Variants in OOEP observed in about 807,000 individuals in gnomAD.
OOEP encodes oocyte-expressed protein homolog.
Under a neutral mutation model 13.7 loss-of-function variants are expected in OOEP, and 16 were observed. That is an observed-to-expected ratio of 1.16 (90% CI 0.79 to 1.77). The LOEUF (loss-of-function observed/expected upper bound fraction) is 1.77. Ranked by LOEUF, OOEP falls within the 40% of genes most tolerant of loss-of-function variation. The pLI is 0.00. For missense variants in OOEP, 195 were observed against 193.1 expected (o/e 1.01, Z -0.06); for synonymous variants, 89 against 77.1 (o/e 1.15, Z -0.81).
At chr6:73,373,016 T>C, upstream of OOEP, 2 of 1,049,158 alleles carry the variant, frequency 1.9e-6, no homozygotes, top group South Asian at 1.3e-5. Flanking sequence ...CGTCGAAATC[T>C]CCAGATAGTG....
intron 2 of OOEP, among the ~76,000 whole-genome samples, chr6:73,383,402 G>A (rs571801015): frequency 3.3e-4 from 51 of 152,288 alleles, no homozygotes; most frequent in African/African-American, 1.1e-3. Context: ...TTGGTAGGCC[G>A]AGGTGGGTGG....
At chr6:73,392,246 C>T (rs1769356681) in intron 2 of OOEP, among the ~76,000 whole-genome samples, 1 of 152,160 alleles carries the variant, frequency 6.6e-6, no homozygotes, top group South Asian at 2.1e-4. Flanking sequence ...GTTAATACTA[C>T]CCATTTCAGA....
chr6:73,371,039 C>G (rs1243241536), upstream of OOEP, among the ~76,000 whole-genome samples: 2 of 152,118 alleles, frequency 1.3e-5, no homozygotes, highest in African/African-American at 4.8e-5. Flanking sequence ...CTCCTAGGCT[C>G]AAGCAGTCCT....
chr6:73,394,841 G>A, exon 1 of OOEP: 1 of 1,578,312 alleles, frequency 6.3e-7, no homozygotes, highest in Non-Finnish European at 8.6e-7. Flanking sequence ...CTACTCTTAC[G>A]ACGTCACGGT....
chr6:73,380,227 A>G (rs1185001508), intron 2 of OOEP, among the ~76,000 whole-genome samples: 1 of 151,378 alleles, frequency 6.6e-6, no homozygotes, highest in East Asian at 1.9e-4. Flanking sequence ...GACAGTGGTG[A>G]TACAAGTTTT....
chr6:73,381,205 TAAAAAAAAAAAA>T (rs66507015), intron 2 of OOEP, among the ~76,000 whole-genome samples: 19,138 of 101,196 alleles, frequency 0.19, 1,708 homozygotes, highest in Middle Eastern at 0.24. Context: ...AAAAAAGTGT[TAAAAAAAAAAAA>T]AAAAAAAAAA....
At position 73,369,764 on chromosome 6, in the gene OOEP, G is replaced by A. The variant is rs1285339265; in HGVS notation, c.29C>T (p.Ser10Phe). MVDDAGAAE[S>F]QRGKQTPAHS... ...GGCCGGAGTCTGTTTGCCCCGCTGG[G>A]ACTCAGCGGCACCAGCATCATCGAC... Residue 10 changes from serine (S) to phenylalanine (F), a missense_variant, in exon 1 of 3, where the codon TCC (serine) becomes TTC (phenylalanine). Coordinates refer to ENST00000370359, the MANE Select transcript of OOEP (RefSeq NM_001080507.3). The A allele has an allele frequency of 1.9e-6, 3 of 1,613,822 alleles. No homozygotes were observed. Among genetic ancestry groups the A allele is most frequent in the Admixed American group, 1.7e-5 (1 of 60,026 alleles).
At position 73,394,878 on chromosome 6, in the gene OOEP, G is replaced by A. The variant is rs1291360235; in HGVS notation, c.-278C>T. The A allele has an allele frequency of 1.9e-6, 3 of 1,610,852 alleles. No individual in the cohort carries two copies. In the Admixed American group the frequency reaches 5.0e-5, roughly 27 times the overall value. On this transcript the variant is annotated 5_prime_UTR_variant, in exon 1 of 4. Transcript: ENST00000370363. ...AGGTGGTGCAGAGCTGGACGGCAAC[G>A]ACGTCGGACGCGCCCCTTCTTGGAA...
rs1395452682 is a variant in OOEP at position 73,385,607 on chromosome 6, T to C, written c.25+8739A>G. ...AAATAAAAGCTCTCTTTTTTTTTTT[T>C]TTCGGAGTCTCACTCTATTGACTAG... On this transcript the variant is annotated intron_variant, in intron 2 of 3. Coordinates refer to the OOEP transcript ENST00000370363. Among the ~76,000 whole-genome samples the C allele has an allele frequency of 2.0e-5, 3 of 151,988 alleles. No homozygotes were observed. In the East Asian group the frequency reaches 5.8e-4, roughly 30 times the overall value.
chr6:73,385,181 C>T (rs1224896893), intron 2 of OOEP, among the ~76,000 whole-genome samples: 1 of 151,608 alleles, frequency 6.6e-6, no homozygotes, highest in African/African-American at 2.4e-5. Context: ...CCCGTCTCTA[C>T]TAAAAATACA....
chr6:73,385,163 G>A (rs988283621), intron 2 of OOEP, among the ~76,000 whole-genome samples: 10 of 151,890 alleles, frequency 6.6e-5, no homozygotes, highest in East Asian at 2.0e-4. Context: ...TGGCTAACAT[G>A]GTGAAACCCC....
rs1769014804 is a variant in OOEP, at chr6:73,369,710, G to A, written c.83C>T (p.Pro28Leu). The A allele has an allele frequency of 1.2e-6, 2 of 1,614,010 alleles. No homozygotes were observed. The highest frequency in any genetic ancestry group is 1.7e-6 in the Non-Finnish European group (2 of 1,179,874). The change falls in exon 1 of 3, where the codon CCA (proline) becomes CTA (leucine). Residue 28 changes from proline (P) to leucine (L), a missense_variant. Transcript: ENST00000370359. ...GATGCGAATCTGTGGCGGCGGAAGT[G>A]GTAACCTACGCAGCTGCTCCAGGGA... ...AHSLEQLRRLPLPPPQIRIRP... is the reference protein window; with the variant it reads ...AHSLEQLRRLLLPPPQIRIRP...
rs745330651 is a variant in OOEP, at chr6:73,369,662, T to C, written c.131A>G (p.Gln44Arg). 11 of 1,613,904 alleles carry C rather than the reference T, an allele frequency of 6.8e-6. No homozygotes were observed. Among genetic ancestry groups the C allele is most frequent in the East Asian group, 6.7e-5 (3 of 44,894 alleles). Residue 44 changes from glutamine (Q) to arginine (R), a missense_variant, in exon 1 of 3, where the codon CAG becomes CGG. By Grantham distance (43) the Gln-to-Arg change is conservative. Transcript: ENST00000370359. ...GAACACCAAAGGGTCTCTCAGTTCC[T>C]GCACCGGAAACCACCAGGGCCGGAT... is the stretch of plus-strand genomic sequence containing the variant. ...IRIRPWWFPV[Q>R]ELRDPLVFYL...
At chr6:73,369,417 G>C in intron 1 of OOEP, 32 bp from the exon 2 acceptor site, 1 of 1,588,858 alleles carries the variant, frequency 6.3e-7, no homozygotes, top group Non-Finnish European at 8.6e-7. Context: ...CTGAGGGGCT[G>C]CACGGTGGCA....
At chr6:73,382,885 G>C (rs1201356370) in intron 2 of OOEP, among the ~76,000 whole-genome samples, 27 of 112,644 alleles carry the variant, frequency 2.4e-4, no homozygotes, top group Non-Finnish European at 3.5e-4. Context: ...GACAGAGTCT[G>C]ACTCTGTCAC....
chr6:73,369,163 C>A, intron 2 of OOEP, 43 bp downstream of exon 2: 1 of 1,564,384 alleles, frequency 6.4e-7, no homozygotes, highest in South Asian at 1.2e-5. Context: ...CCAGTATGGT[C>A]ACTCGTGGCT....
At chr6:73,383,911 C>T (rs911148488) in intron 2 of OOEP, among the ~76,000 whole-genome samples, 3 of 151,360 alleles carry the variant, frequency 2.0e-5, no homozygotes, top group African/African-American at 7.3e-5. Flanking sequence ...GCCTGAGCAA[C>T]ATAATGAAAC....
intron 2 of OOEP, among the ~76,000 whole-genome samples, chr6:73,385,590 GCT>G (rs1399054687): frequency 6.6e-6 from 1 of 150,492 alleles, no homozygotes; most frequent in East Asian, 2.0e-4. Flanking sequence ...CTAAATAAAA[GCT>G]CTCTTTTTTT....
upstream of OOEP, chr6:73,373,350 G>A: frequency 7.6e-7 from 1 of 1,311,108 alleles, no homozygotes; most frequent in Non-Finnish European, 1.1e-6. Context: ...TTTGAGACAG[G>A]GTCTCACTCT....
Sources: allele counts gnomAD v4.1 joint callset (sites outside exome capture counted in the v4.1 genomes callset), GRCh38; gene constraint gnomAD v4.1.1; transcripts MANE v1.5; gene names NCBI Gene and HGNC (gene_info 2026-07-23, HGNC 2026-07-21).